Variants in HS3ST4 observed in about 807,000 individuals in gnomAD.
HS3ST4 encodes heparan sulfate glucosamine 3-O-sulfotransferase 4.
Under a neutral mutation model 29.2 loss-of-function variants are expected in HS3ST4, and 17 were observed. That is an observed-to-expected ratio of 0.58 (90% CI 0.40 to 0.87). The LOEUF (loss-of-function observed/expected upper bound fraction) is 0.87, where lower values mean the gene tolerates loss of function less well. HS3ST4 is among the 40% of genes least tolerant of loss of function. The pLI, the probability that HS3ST4 is intolerant of heterozygous loss-of-function variation, is 0.00. For synonymous variants in HS3ST4, 314 were observed against 285.7 expected, an observed-to-expected ratio of 1.10 and a Z score of -1.00; for missense variants, 627 against 634.5, an observed-to-expected ratio of 0.99 and a Z score of 0.13.
chr16:25,938,936 G>A (rs143238801), intron 1 of HS3ST4, among the ~76,000 whole-genome samples: 23 of 152,284 alleles, frequency 1.5e-4, no homozygotes, highest in East Asian at 5.8e-4. Context: ...TAAACCAGAC[G>A]TTCTGCAAGG....
chr16:25,828,300 C>CTGT (rs1567249517), intron 1 of HS3ST4, among the ~76,000 whole-genome samples: 3 of 56,804 alleles, frequency 5.3e-5, no homozygotes, highest in South Asian at 8.0e-4. Flanking sequence ...TTCTTTCTTT[C>CTGT]CCTCTCTCTC....
intron 1 of HS3ST4, among the ~76,000 whole-genome samples, chr16:25,870,535 G>C (rs1967740025): frequency 6.6e-6 from 1 of 152,148 alleles, no homozygotes; most frequent in Non-Finnish European, 1.5e-5. Flanking sequence ...TGAGATGGAA[G>C]CTTCAGAAGA....
At chr16:25,921,285 T>C (rs981679336) in intron 1 of HS3ST4, among the ~76,000 whole-genome samples, 2 of 152,228 alleles carry the variant, frequency 1.3e-5, no homozygotes, top group African/African-American at 4.8e-5. Flanking sequence ...TCAGCATCCA[T>C]ACAAATTTAC....
chr16:25,818,770 T>A (rs1198489487), intron 1 of HS3ST4, among the ~76,000 whole-genome samples: 3 of 152,236 alleles, frequency 2.0e-5, no homozygotes, highest in Non-Finnish European at 4.4e-5. Context: ...CTTAACCTCA[T>A]GTTTGATTGT....
intron 1 of HS3ST4, among the ~76,000 whole-genome samples, chr16:26,119,250 T>A (rs973685875): frequency 1.3e-5 from 2 of 152,106 alleles, no homozygotes; most frequent in African/African-American, 2.4e-5. Flanking sequence ...TCTTGCTCAG[T>A]GTGGGTAATG....
intron 1 of HS3ST4, among the ~76,000 whole-genome samples, chr16:26,087,658 T>C (rs1179544327): frequency 6.6e-6 from 1 of 152,178 alleles, no homozygotes; most frequent in East Asian, 1.9e-4. Context: ...TTATCTGATA[T>C]GCTTGTGACC....
At chr16:25,890,487 A>G (rs533556662) in intron 1 of HS3ST4, among the ~76,000 whole-genome samples, 1 of 152,324 alleles carries the variant, frequency 6.6e-6, no homozygotes, top group South Asian at 2.1e-4. Context: ...GAGAAGGACC[A>G]TCTTTATTTC....
intron 1 of HS3ST4, among the ~76,000 whole-genome samples, chr16:25,716,281 A>G (rs1048382234): frequency 7.9e-5 from 12 of 152,024 alleles, no homozygotes; most frequent in Non-Finnish European, 1.2e-4. Flanking sequence ...TTGTGTCTCC[A>G]TTTTTCTTGG....
rs368354997 is a variant in HS3ST4 at position 25,692,899 on chromosome 16, C to T, written c.482C>T (p.Ala161Val). 30 of 1,582,726 alleles carry T rather than the reference C, an allele frequency of 1.9e-5. No individual in the cohort carries two copies. Among genetic ancestry groups the T allele is most frequent in the Non-Finnish European group, 2.3e-5 (27 of 1,165,728 alleles). The change falls in exon 1 of 2, where the codon GCG becomes GTG. Residue 161 changes from alanine (A) to valine (V), a missense_variant. Ala to Val is a moderately conservative substitution (Grantham distance 64, BLOSUM62 0). Coordinates refer to ENST00000331351, the MANE Select transcript of HS3ST4 (RefSeq NM_006040.3). ...TAQSALPERE[A>V]QESSTTDEDL... Reference sequence around the variant, plus strand: ...CAGAGCGCGCTGCCGGAGAGGGAAGCGCAGGAGTCCAGCACCACCGACGAG... The same window carrying T: ...CAGAGCGCGCTGCCGGAGAGGGAAGTGCAGGAGTCCAGCACCACCGACGAG...
Position 26,054,260 on chromosome 16 carries a change from CAG to C in HS3ST4, c.735-81345_735-81344del, listed in dbSNP as rs892485572. 4.9e-5 allele frequency among the ~76,000 whole-genome samples: 5 copies of C among 102,716 alleles called. 1 individual carries two copies. The South Asian group carries it at 1.5e-3, about 31-fold the overall frequency. 67.4% of individuals were successfully genotyped at this position (102,716 alleles called of 152,430 possible). A position where few individuals can be genotyped will look rare whatever the true frequency, so the allele number is the denominator to read the frequency against. ...CTTCCATGAGAAGGAGAGAGAGAGA[CAG>C]AGAGAGGGAGAGAGAGAGAGAGAGA... On this transcript the variant is annotated intron_variant, in intron 1 of 1. Transcript: ENST00000331351.
intron 1 of HS3ST4, among the ~76,000 whole-genome samples, chr16:25,939,900 C>T (rs1031411563): frequency 1.3e-5 from 2 of 152,170 alleles, no homozygotes; most frequent in African/African-American, 2.4e-5. Context: ...CTGCCTGGCT[C>T]TCCCAGTTTG....
chr16:26,089,598 C>T (rs1195056366), intron 1 of HS3ST4, among the ~76,000 whole-genome samples: 1 of 152,204 alleles, frequency 6.6e-6, no homozygotes, highest in Non-Finnish European at 1.5e-5. Context: ...GCTCTGTTAG[C>T]ATTCGCACAC....
intron 1 of HS3ST4, among the ~76,000 whole-genome samples, chr16:25,964,773 T>C (rs920573600): frequency 1.3e-5 from 2 of 152,244 alleles, no homozygotes; most frequent in African/African-American, 4.8e-5. Context: ...TCAATCATAG[T>C]GTACACATCA....
intron 1 of HS3ST4, among the ~76,000 whole-genome samples, chr16:25,804,476 T>C (rs1396248640): frequency 3.3e-5 from 5 of 152,184 alleles, no homozygotes; most frequent in Non-Finnish European, 5.9e-5. Flanking sequence ...ATTCAGCAAA[T>C]TGCCTCATTA....
intron 1 of HS3ST4, among the ~76,000 whole-genome samples, chr16:25,791,197 T>G (rs1042020489): frequency 2.0e-5 from 3 of 152,142 alleles, no homozygotes; most frequent in Non-Finnish European, 4.4e-5. Flanking sequence ...ATCAAGTTAT[T>G]ATATGTTTGT....
chr16:25,983,967 A>G lies in HS3ST4; in HGVS notation c.735-151645A>G, dbSNP rs1969036128. Among the ~76,000 whole-genome samples the G allele has an allele frequency of 2.6e-5, 4 of 152,060 alleles. No individual in the cohort carries two copies. In the South Asian group the frequency reaches 8.3e-4, roughly 32 times the overall value. ...TTATTTCTTTAAATTGACTAATGAT[A>G]ATTGTACAGATTCATGGGGCAGTGA... On this transcript the variant is annotated intron_variant, in intron 1 of 1. Coordinates refer to ENST00000331351, the MANE Select transcript of HS3ST4 (RefSeq NM_006040.3).
intron 1 of HS3ST4, among the ~76,000 whole-genome samples, chr16:25,816,393 C>T (rs1400556848): frequency 6.6e-6 from 1 of 152,158 alleles, no homozygotes; most frequent in Non-Finnish European, 1.5e-5. Context: ...CCATCTGTAC[C>T]TCCAGCACCC....
At chr16:25,778,769 A>G (rs939066128) in intron 1 of HS3ST4, among the ~76,000 whole-genome samples, 10 of 152,074 alleles carry the variant, frequency 6.6e-5, no homozygotes, top group African/African-American at 2.4e-4. Context: ...GAGAAGAAGG[A>G]GAAGGAGAAG....
Position 26,136,290 on chromosome 16 carries a change from G to A in HS3ST4, c.*42G>A, listed in dbSNP as rs1276392585. 1.3e-6 allele frequency: 2 copies of A among 1,550,216 alleles called. No individual in the cohort carries two copies. The highest frequency in any genetic ancestry group is 2.7e-5 in the African/African-American group (2 of 73,372). On this transcript the variant is annotated 3_prime_UTR_variant, in exon 2 of 2. Transcript: ENST00000331351. ...GAAGGCTAGTCAATAAGCTAAGGAG[G>A]CTCCTTGCCTGAGTCCTTGAATACC... is the stretch of plus-strand genomic sequence containing the variant.
Sources: allele counts gnomAD v4.1 joint callset (sites outside exome capture counted in the v4.1 genomes callset), GRCh38; gene constraint gnomAD v4.1.1; transcripts MANE v1.5; gene names NCBI Gene and HGNC (gene_info 2026-07-23, HGNC 2026-07-21).